Variants in PHF8 observed in about 807,000 individuals in gnomAD.
PHF8 encodes histone lysine demethylase PHF8.
Under a neutral mutation model 74.4 loss-of-function variants are expected in PHF8, and 9 were observed. The ratio of observed to expected loss-of-function variants is 0.12; its 90% CI spans 0.07 to 0.21. The LOEUF is 0.21. Ranked by LOEUF, PHF8 falls within the 10% of genes least tolerant of loss-of-function variation. PHF8 has a pLI of 1.00. For synonymous variants in PHF8, 311 were observed against 316.6 expected (o/e 0.98, Z 0.19); for missense variants, 478 against 816.6 (o/e 0.59, Z 5.05).
Position 54,009,898 on chromosome X carries a change from A to G in PHF8, c.946+1224T>C, listed in dbSNP as rs182462183. 8.0e-3 allele frequency among the ~76,000 whole-genome samples: 824 copies of G among 103,304 alleles called. 8 individuals are homozygous for G. Among genetic ancestry groups the G allele is most frequent in the African/African-American group, 0.029 (802 of 28,059 alleles). The allele number at this position is 103,304 out of a possible 115,157, so 89.7% of individuals were successfully genotyped here. A position where few individuals can be genotyped will look rare whatever the true frequency, so the allele number is the denominator to read the frequency against. Reference sequence around the variant, plus strand: ...AAAAAAAAAGTGGCTCTTTGGAAAGATCAATAAAATTGACCAACCTATAGA... The same window carrying G: ...AAAAAAAAAGTGGCTCTTTGGAAAGGTCAATAAAATTGACCAACCTATAGA... On this transcript the variant is annotated intron_variant, in intron 8 of 21. Transcript: ENST00000338154.
intron 12 of PHF8, among the ~76,000 whole-genome samples, chrX:53,994,321 A>C (rs782375241): frequency 8.9e-6 from 1 of 112,474 alleles, no homozygotes; most frequent in Non-Finnish European, 1.9e-5. Context: ...CTGTTTGCTT[A>C]GCTGTAAAAT....
chrX:54,014,745 T>C (rs2066035187), intron 6 of PHF8, among the ~76,000 whole-genome samples, 182 bp from the exon 7 acceptor site: 1 of 111,285 alleles, frequency 9.0e-6, no homozygotes, highest in Non-Finnish European at 1.9e-5. Flanking sequence ...GTATCCTCAT[T>C]CTACTCATCT....
rs781821036 is a variant in PHF8, at chrX:54,005,095, G to A, written c.947-2413C>T. Among the ~76,000 whole-genome samples, 4 of 110,881 alleles carry A rather than the reference G, an allele frequency of 3.6e-5. No homozygotes were observed. In the South Asian group the frequency reaches 1.5e-3, roughly 42 times the overall value. On this transcript the variant is annotated intron_variant, in intron 8 of 21. Transcript: ENST00000338154. ...AGAAAAATAAACTCAAGGACTTGCGGGACTAAGACAAGATACAAAACATTC... is the reference window on the plus strand; with the variant it reads ...AGAAAAATAAACTCAAGGACTTGCGAGACTAAGACAAGATACAAAACATTC...
intron 13 of PHF8, 57 bp from the exon 14 acceptor site, chrX:53,992,896 T>A: frequency 1.3e-5 from 10 of 794,581 alleles, no homozygotes; most frequent in Non-Finnish European, 1.9e-5. Context: ...GGAATCACGA[T>A]GGCAAGTTCC....
chrX:54,024,867 T>A (rs184746563), intron 2 of PHF8, among the ~76,000 whole-genome samples: 3,270 of 111,766 alleles, frequency 0.029, 123 homozygotes, highest in African/African-American at 0.1. Flanking sequence ...ACCATTTTTT[T>A]AAATTTTTAT....
intron 14 of PHF8, among the ~76,000 whole-genome samples, chrX:53,988,966 T>C (rs2065614354): frequency 9.3e-6 from 1 of 107,943 alleles, no homozygotes; most frequent in Non-Finnish European, 1.9e-5. Flanking sequence ...TTTGCTTTTT[T>C]TTTTTTTCTT....
At chrX:54,045,128 C>A (rs1186953182), upstream of PHF8, 2 of 367,253 alleles carry the variant, frequency 5.4e-6, no homozygotes, top group East Asian at 8.6e-5. Context: ...TCCCTCTGAA[C>A]TCTTCTTTGA....
chrX:53,980,479 C>T (rs1437179091), intron 18 of PHF8, among the ~76,000 whole-genome samples: 3 of 111,012 alleles, frequency 2.7e-5, no homozygotes, highest in Non-Finnish European at 5.7e-5. Flanking sequence ...ACCAACTCTG[C>T]CAGCACCTTG....
chrX:54,014,616 G>A, intron 6 of PHF8, 53 bp from the exon 7 acceptor site: 1 of 903,333 alleles, frequency 1.1e-6, no homozygotes. Context: ...AGAGAAGATT[G>A]AGGCCTGAAT....
At chrX:54,016,353 G>A (rs1355818732) in intron 6 of PHF8, among the ~76,000 whole-genome samples, 5 of 110,166 alleles carry the variant, frequency 4.5e-5, no homozygotes, top group African/African-American at 1.7e-4. Context: ...AATTAGCCAG[G>A]CATGGTGGCG....
At chrX:53,967,917 G>A (rs1557093514) in intron 18 of PHF8, among the ~76,000 whole-genome samples, 1 of 110,795 alleles carries the variant, frequency 9.0e-6, no homozygotes. Context: ...CTTGAAGGCA[G>A]CATGCTCGTT....
At chrX:54,022,158 G>A (rs2066188877) in intron 4 of PHF8, 101 bp downstream of exon 4, 2 of 559,992 alleles carry the variant, frequency 3.6e-6, no homozygotes, top group Non-Finnish European at 6.4e-6. Context: ...ACAAACTGGG[G>A]AAGCTCCTAA....
intron 20 of PHF8, among the ~76,000 whole-genome samples, chrX:53,941,992 A>G (rs1323952177): frequency 9.0e-6 from 1 of 111,584 alleles, no homozygotes; most frequent in East Asian, 2.8e-4. Flanking sequence ...TCTCACTTAA[A>G]TCCAGAATTA....
At chrX:54,026,530 TTTGTTGTTGTTG>T (rs782228820) in intron 2 of PHF8, among the ~76,000 whole-genome samples, 2 of 103,071 alleles carry the variant, frequency 1.9e-5, no homozygotes, top group Non-Finnish European at 3.9e-5. Flanking sequence ...GGTTTTGGCT[TTTGTTGTTGTTG>T]TTGTTGTTGT....
intron 20 of PHF8, 73 bp from the exon 21 acceptor site, chrX:53,940,589 G>A (rs1041424768): frequency 4.3e-5 from 32 of 742,438 alleles, no homozygotes; most frequent in Non-Finnish European, 6.6e-5. Context: ...GAACTAACTA[G>A]ACAATGTCCA....
chrX:53,942,645 C>G (rs1206430591), intron 20 of PHF8: 4 of 712,574 alleles, frequency 5.6e-6, no homozygotes, highest in Non-Finnish European at 6.6e-6. Flanking sequence ...TAAGAAACAC[C>G]AAAACATACA....
At chrX:54,028,911 G>C (rs1603341616) in intron 2 of PHF8, among the ~76,000 whole-genome samples, 1 of 112,046 alleles carries the variant, frequency 8.9e-6, no homozygotes, top group African/African-American at 3.2e-5. Context: ...TGGGATCTTG[G>C]ACAAGTTACT....
At chrX:54,036,772 G>A (rs1357832572) in intron 2 of PHF8, among the ~76,000 whole-genome samples, 1 of 108,209 alleles carries the variant, frequency 9.2e-6, no homozygotes, top group South Asian at 4.0e-4. Flanking sequence ...GCCGAGGCGG[G>A]TGGATCACCT....
chrX:53,969,163 G>A (rs1051516759), intron 18 of PHF8, among the ~76,000 whole-genome samples: 2 of 109,522 alleles, frequency 1.8e-5, no homozygotes, highest in Admixed American at 2.0e-4. Context: ...TGAATCCGGG[G>A]GACAAAGGTT....
Sources: allele counts gnomAD v4.1 joint callset (sites outside exome capture counted in the v4.1 genomes callset), GRCh38; gene constraint gnomAD v4.1.1; transcripts MANE v1.5; gene names NCBI Gene and HGNC (gene_info 2026-07-23, HGNC 2026-07-21).